ABHD17A: variants seen among roughly 807,000 people sequenced by gnomAD.
ABHD17A encodes the protein abhydrolase domain containing 17A, depalmitoylase, also known as alpha/beta hydrolase domain-containing protein 17A.
ABHD17A carries 10 observed loss-of-function variants against 26.8 expected under a neutral mutation model. The ratio of observed to expected loss-of-function variants is 0.37; its 90% CI spans 0.23 to 0.63. The LOEUF is 0.63. Among genes scored for constraint, ABHD17A ranks in the 30% least tolerant of loss-of-function variants. ABHD17A has a pLI of 0.61. For missense variants in ABHD17A, 292 were observed against 457.3 expected (o/e 0.64, Z 3.30); for synonymous variants, 167 against 210.9 (o/e 0.79, Z 1.80).
Position 1,885,479 on chromosome 19 carries a change from C to A in ABHD17A, c.-366G>T, listed in dbSNP as rs1382840459. 6.6e-6 allele frequency: 1 copy of A among 152,416 alleles called. No homozygotes were observed. The highest frequency in any genetic ancestry group is 1.5e-5 in the Non-Finnish European group (1 of 68,170). 9.4% of individuals were successfully genotyped at this position (152,416 alleles called of 1,614,324 possible). On this transcript the variant is annotated 5_prime_UTR_variant, in exon 1 of 5. Transcript: ENST00000292577. Reference sequence around the variant, plus strand: ...ACCGCCACCGCCGCAGCTCCCCCCACGGACGGAAGTGAGCCTCGTTCTCAC... The same window carrying A: ...ACCGCCACCGCCGCAGCTCCCCCCAAGGACGGAAGTGAGCCTCGTTCTCAC...
chr19:1,884,750 T>A (rs1040670507), intron 1 of ABHD17A, among the ~76,000 whole-genome samples: 1 of 150,444 alleles, frequency 6.6e-6, no homozygotes, highest in Non-Finnish European at 1.5e-5. Context: ...AGCAGAAGGG[T>A]CCTAAGAGAG....
At position 1,880,919 on chromosome 19, in the gene ABHD17A, G is replaced by T; in HGVS notation, c.332+316C>A. The stretch of plus-strand genomic sequence containing the variant: ...ACCTGGCGAGAAGGTGGATGTACCC[G>T]CAGGCCAGGGCAGCCCCTGTGCCCC... On this transcript the variant is annotated intron_variant, in intron 2 of 4. Coordinates refer to ENST00000292577, the MANE Select transcript of ABHD17A (RefSeq NM_001130111.2). The surrounding 1 kb of genome is among the most constrained non-coding windows in gnomAD (Gnocchi z 4.1). 1.2e-6 allele frequency: 2 copies of T among 1,613,030 alleles called. No homozygotes were observed. Among genetic ancestry groups the T allele is most frequent in the Non-Finnish European group, 1.7e-6 (2 of 1,179,906 alleles).
chr19:1,881,088 C>T lies in ABHD17A; in HGVS notation c.332+147G>A, dbSNP rs374647854. On this transcript the variant is annotated intron_variant, in intron 2 of 4. Transcript: ENST00000292577. ...TGCCAGAGGGACGAGGCCGGCCTGA[C>T]GGGGGATACCACCCTTGCTGGCTGG... 3.6e-4 allele frequency: 568 copies of T among 1,578,858 alleles called. 5 individuals are homozygous for T. In the South Asian group the frequency reaches 4.1e-3, roughly 11 times the overall value.
At position 1,879,437 on chromosome 19, in the gene ABHD17A, T is replaced by C. The variant is rs1345847245; in HGVS notation, c.527+484A>G. On this transcript the variant is annotated intron_variant, in intron 3 of 4. Coordinates refer to ENST00000292577, the MANE Select transcript of ABHD17A (RefSeq NM_001130111.2). The surrounding 1 kb of genome is among the most constrained non-coding windows in gnomAD (Gnocchi z 7.6). ...AGACCTCGGATGTGTGCTGCGGGTC[T>C]GCACCTTACCCTGTAGGCCCTGCCC... 2 of 217,882 alleles carry C rather than the reference T, an allele frequency of 9.2e-6. No homozygotes were observed. Among genetic ancestry groups the C allele is most frequent in the South Asian group, 5.9e-5 (1 of 16,824 alleles). The allele number at this position is 217,882 out of a possible 1,614,324, so 13.5% of individuals were successfully genotyped here.
Position 1,877,594 on chromosome 19 carries a change from C to T in ABHD17A, c.621G>A (p.Ala207=), listed in dbSNP as rs139501767. 3,072 of 1,594,636 alleles carry T rather than the reference C, an allele frequency of 1.9e-3. 1 individual carries two copies. The highest frequency in any genetic ancestry group is 2.4e-3 in the Non-Finnish European group (2,828 of 1,178,710). The part of the protein sequence containing the change: ...VDLASRYECA[A]VVLHSPLTSG... ...AGGTGAGCGGCGAGTGCAGCACCAC[C>T]GCGGCACACTCGTAGCGCGAGGCCA... The change falls in exon 4 of 5, where the codon GCG becomes GCA. Residue 207 remains alanine (A), a synonymous_variant. Transcript: ENST00000292577.
rs2012517048 is a variant in ABHD17A, at chr19:1,881,259, T to G, written c.308A>C (p.Tyr103Ser). The G allele has an allele frequency of 1.9e-6, 3 of 1,610,978 alleles. No individual in the cohort carries two copies. In the East Asian group the frequency reaches 6.7e-5, roughly 36 times the overall value. Residue 103 changes from tyrosine to serine, a missense_variant, in exon 2 of 5, where the codon TAT becomes TCT. Transcript: ENST00000292577. Reference sequence around the variant, plus strand: ...CCTGGCACCAGGCACGCAGCGAACATACATGCAGGAGACGCGGTTGCCGCG... The same window carrying G: ...CCTGGCACCAGGCACGCAGCGAACAGACATGCAGGAGACGCGGTTGCCGCG... ...SARGNRVSCM[Y>S]VRCVPGARYT...
chr19:1,885,274 A>C (rs2145400084), intron 1 of ABHD17A, 78 bp downstream of exon 1: 1 of 151,638 alleles, frequency 6.6e-6, no homozygotes, highest in African/African-American at 2.4e-5. Flanking sequence ...GGGACGTCCA[A>C]CCGGGCTGTC....
chr19:1,882,390 C>G (rs2012567031), intron 1 of ABHD17A: 1 of 152,258 alleles, frequency 6.6e-6, no homozygotes, highest in South Asian at 2.1e-4. Context: ...AGGATACATC[C>G]CAGGCTCCTA....
At chr19:1,882,856 C>T (rs941131705) in intron 1 of ABHD17A, 1 of 152,096 alleles carries the variant, frequency 6.6e-6, no homozygotes. Flanking sequence ...GCAGAACACC[C>T]TGGAATGCTT....
Position 1,881,787 on chromosome 19 carries a change from G to A in ABHD17A, c.-221C>T. ...GAGCCTCGCAACCACAGGTCTCCAT[G>A]TCGTGCCGTGGGAAGCCCTGCGGGG... On this transcript the variant is annotated 5_prime_UTR_variant, in exon 2 of 5. Transcript: ENST00000292577. 1 of 573,804 alleles carries A rather than the reference G, an allele frequency of 1.7e-6. No individual in the cohort carries two copies. Among genetic ancestry groups the A allele is most frequent in the Non-Finnish European group, 2.8e-6 (1 of 359,174 alleles). 35.5% of individuals were successfully genotyped at this position (573,804 alleles called of 1,614,324 possible).
rs1176345690 is a variant in ABHD17A at position 1,879,234 on chromosome 19, G to C, written c.527+687C>G. 6.4e-6 allele frequency: 1 copy of C among 156,478 alleles called. No homozygotes were observed. The highest frequency in any genetic ancestry group is 1.4e-5 in the Non-Finnish European group (1 of 70,742). The allele number at this position is 156,478 out of a possible 1,614,324, so 9.7% of individuals were successfully genotyped here. A position where few individuals can be genotyped will look rare whatever the true frequency, so the allele number is the denominator to read the frequency against. ...CAGACCAGTGGGCTGGGCAGGGCCA[G>C]GACGAGACAGGCCCAGTGGATGGTG... On this transcript the variant is annotated intron_variant, in intron 3 of 4. Transcript: ENST00000292577. The surrounding 1 kb of genome is among the most constrained non-coding windows in gnomAD (Gnocchi z 7.6).
At chr19:1,882,780 A>G (rs978902779) in intron 1 of ABHD17A, 1 of 152,162 alleles carries the variant, frequency 6.6e-6, no homozygotes, top group African/African-American at 2.4e-5. Context: ...TGAGACGTCT[A>G]TCTACCGACC....
rs375288696 is a variant in ABHD17A, at chr19:1,881,309, G to A, written c.258C>T (p.Ile86=). The A allele has an allele frequency of 2.2e-5, 36 of 1,610,816 alleles. No individual in the cohort carries two copies. Among genetic ancestry groups the A allele is most frequent in the Non-Finnish European group, 2.8e-5 (33 of 1,179,704 alleles). ...GGGCGCTCTTGGTGGGGAAGACCTC[G>A]ATGGTGTCCAGCTCGCGCTGGCTGT... ...FQYSQRELDT[I]EVFPTKSARG... is the part of the protein sequence containing the mutation. Residue 86 remains isoleucine, a synonymous_variant, in exon 2 of 5, where the codon ATC becomes ATT. Transcript: ENST00000292577.
rs2012483104 is a variant in ABHD17A at position 1,880,153 on chromosome 19, C to T, written c.333-38G>A. ...GAGAAGGGCCGTTCACATCCTCGCT[C>T]CCAGCGCCCAGCTGCAGGGCAGGAG... is the stretch of plus-strand genomic sequence containing the variant. On this transcript the variant is annotated intron_variant, in intron 2 of 4. Transcript: ENST00000292577. This position sits in a 1 kb window ranked among gnomAD's most constrained non-coding sequence, Gnocchi z 4.1. The T allele has an allele frequency of 6.2e-7, 1 of 1,606,240 alleles. No individual in the cohort carries two copies. The highest frequency in any genetic ancestry group is 8.5e-7 in the Non-Finnish European group (1 of 1,176,212).
intron 1 of ABHD17A, chr19:1,883,940 A>C: frequency 6.6e-6 from 1 of 152,052 alleles, no homozygotes; most frequent in African/African-American, 2.4e-5. Flanking sequence ...CACTCATCTC[A>C]CACCCTGCCA....
At position 1,880,515 on chromosome 19, in the gene ABHD17A, G is replaced by A. The variant is rs774839465; in HGVS notation, c.333-400C>T. Among the ~76,000 whole-genome samples, 3 of 152,204 alleles carry A rather than the reference G, an allele frequency of 2.0e-5. No individual in the cohort carries two copies. The highest frequency in any genetic ancestry group is 3.9e-4 in the East Asian group (2 of 5,194). On this transcript the variant is annotated intron_variant, in intron 2 of 4. Transcript: ENST00000292577. The surrounding 1 kb of genome is among the most constrained non-coding windows in gnomAD (Gnocchi z 4.1). ...GGAAGAACCTGGACCCCCGGGGATGGAGCGCACAGGCCCACCTTTCAGGAC... is the reference window on the plus strand; with the variant it reads ...GGAAGAACCTGGACCCCCGGGGATGAAGCGCACAGGCCCACCTTTCAGGAC...
Position 1,880,165 on chromosome 19 carries a change from C to T in ABHD17A, c.333-50G>A, listed in dbSNP as rs1208190640. On this transcript the variant is annotated intron_variant, in intron 2 of 4. Transcript: ENST00000292577. The surrounding 1 kb of genome is among the most constrained non-coding windows in gnomAD (Gnocchi z 4.1). ...TCACATCCTCGCTCCCAGCGCCCAGCTGCAGGGCAGGAGGATGCGTAGTGA... is the reference window on the plus strand; with the variant it reads ...TCACATCCTCGCTCCCAGCGCCCAGTTGCAGGGCAGGAGGATGCGTAGTGA... 1.8e-5 allele frequency: 29 copies of T among 1,600,064 alleles called. No individual in the cohort carries two copies. Among genetic ancestry groups the T allele is most frequent in the Non-Finnish European group, 2.2e-5 (26 of 1,172,278 alleles).
In ABHD17A at chr19:1,881,217, G is replaced by A. The variant is rs918954917; in HGVS notation, c.332+18C>T. On this transcript the variant is annotated intron_variant, in intron 2 of 4. Coordinates refer to ENST00000292577, the MANE Select transcript of ABHD17A (RefSeq NM_001130111.2). ...AAGAACAGGGTGACCCAGCCCAGGC[G>A]CGGCCACAGCTGCTCACCTGGCACC... is the stretch of plus-strand genomic sequence containing the variant. 8.7e-6 allele frequency: 14 copies of A among 1,610,444 alleles called. No homozygotes were observed. The highest frequency in any genetic ancestry group is 1.7e-5 in the Admixed American group (1 of 59,938).
At chr19:1,881,211 C>T (rs2012515610) in intron 2 of ABHD17A, 24 bp downstream of exon 2, 5 of 1,610,160 alleles carry the variant, frequency 3.1e-6, no homozygotes, top group Non-Finnish European at 4.2e-6. Context: ...GTGACCCAGC[C>T]CAGGCGCGGC....
Sources: gnomAD v4.1 joint callset for allele counts (sites outside exome capture counted in the v4.1 genomes callset) on GRCh38, gnomAD v4.1.1 for gene constraint, Gnocchi (gnomAD v3.1) non-coding constraint, MANE v1.5 for transcripts, NCBI Gene and HGNC (gene_info 2026-07-23, HGNC 2026-07-21) for gene names.